Variants in ST3GAL4 observed in about 807,000 individuals in gnomAD.
ST3GAL4 encodes ST3 beta-galactoside alpha-2,3-sialyltransferase 4, also known as CMP-N-acetylneuraminate-beta-galactosamide-alpha-2,3-sialyltransferase 4.
ST3GAL4 carries 24 observed loss-of-function variants against 42.6 expected under a neutral mutation model. The ratio of observed to expected loss-of-function variants is 0.56; its 90% confidence interval spans 0.41 to 0.79. The LOEUF (loss-of-function observed/expected upper bound fraction) is 0.79, where lower values mean the gene tolerates loss of function less well. Among genes scored for constraint, ST3GAL4 ranks in the 30% least tolerant of loss-of-function variants. ST3GAL4 has a pLI of 0.00. For synonymous variants in ST3GAL4, 135 were observed against 163.2 expected (o/e 0.83, Z 1.32); for missense variants, 311 against 430.8 (o/e 0.72, Z 2.46).
chr11:126,389,380 C>T (rs1396957851), intron 1 of ST3GAL4, among the ~76,000 whole-genome samples: 2 of 152,070 alleles, frequency 1.3e-5, no homozygotes, highest in African/African-American at 2.4e-5. Context: ...GAACCAAAGA[C>T]ATGCCCCTGT....
At chr11:126,413,883 G>A in intron 10 of ST3GAL4, 78 bp from the exon 11 acceptor site, 1 of 1,539,770 alleles carries the variant, frequency 6.5e-7, no homozygotes. Context: ...GGGGCCATTG[G>A]GAGGGGCAGG....
intron 1 of ST3GAL4, among the ~76,000 whole-genome samples, chr11:126,395,127 A>G (rs981402451): frequency 6.6e-6 from 1 of 152,132 alleles, no homozygotes; most frequent in Non-Finnish European, 1.5e-5. Flanking sequence ...GGGCCAGAAG[A>G]TATCTGACCT....
intron 1 of ST3GAL4, chr11:126,403,342 C>T (rs1954091858): frequency 2.2e-6 from 2 of 928,360 alleles, no homozygotes; most frequent in Non-Finnish European, 2.6e-6. Flanking sequence ...CGCTGCTCAC[C>T]TCTGACGCTG....
chr11:126,405,914 C>G (rs557430074), intron 1 of ST3GAL4, 182 bp from the exon 2 acceptor site: 1 of 719,634 alleles, frequency 1.4e-6, no homozygotes, highest in Non-Finnish European at 2.3e-6. Flanking sequence ...ATCCTTAATG[C>G]CGCCCTTGGA....
chr11:126,358,383 T>G (rs1306078548), intron 1 of ST3GAL4: 2 of 389,802 alleles, frequency 5.1e-6, no homozygotes, highest in Admixed American at 3.0e-5. Flanking sequence ...CTCTTGTTAT[T>G]AACCCCCTCT....
At position 126,391,112 on chromosome 11, in the gene ST3GAL4, C is replaced by T. The variant is rs1953496435; in HGVS notation, c.-60-14984C>T. ...GATGGACGCTTGGGGGTTGCTTCCA[C>T]ATTAGCTATTGCAAAGTCAATAATG... On this transcript the variant is annotated intron_variant, in intron 1 of 10. Transcript: ENST00000444328. The surrounding 1 kb of genome is among the most constrained non-coding windows in gnomAD (Gnocchi z 5.5). 6.6e-6 allele frequency among the ~76,000 whole-genome samples: 1 copy of T among 152,186 alleles called. No individual in the cohort carries two copies. Among genetic ancestry groups the T allele is most frequent in the Admixed American group, 6.6e-5 (1 of 15,266 alleles).
intron 1 of ST3GAL4, among the ~76,000 whole-genome samples, chr11:126,401,159 C>G (rs1388220054): frequency 6.6e-6 from 1 of 151,970 alleles, no homozygotes; most frequent in Non-Finnish European, 1.5e-5. Flanking sequence ...AAATAAAGAG[C>G]TCGAATCATC....
chr11:126,395,777 GC>G (rs1953724230), intron 1 of ST3GAL4, among the ~76,000 whole-genome samples: 1 of 152,148 alleles, frequency 6.6e-6, no homozygotes, highest in Admixed American at 6.5e-5. Flanking sequence ...GGCCTCCCCA[GC>G]CACGTGGAAC....
rs1952432102 is a variant in ST3GAL4 at position 126,366,527 on chromosome 11, C to G, written c.-61+10685C>G. Among the ~76,000 whole-genome samples the G allele has an allele frequency of 6.6e-6, 1 of 152,132 alleles. No individual in the cohort carries two copies. Among genetic ancestry groups the G allele is most frequent in the Non-Finnish European group, 1.5e-5 (1 of 68,014 alleles). ...GGGGCTTGCTTTCCTCACCCCGCTT[C>G]CCACGTCTTCATTGAGTCCTCATCT... On this transcript the variant is annotated intron_variant, in intron 1 of 10. Transcript: ENST00000444328. This position sits in a 1 kb window ranked among gnomAD's most constrained non-coding sequence, Gnocchi z 4.2.
In ST3GAL4 at chr11:126,376,258, AAT is replaced by A. The variant is rs1952831034; in HGVS notation, c.-61+20421_-61+20422del. ...TTGAAAGCCAGTAAATATAAAATAA[AAT>A]ATATTACCTGTGTGAAAGAGAATTT... On this transcript the variant is annotated intron_variant, in intron 1 of 10. Coordinates refer to ENST00000444328, the MANE Select transcript of ST3GAL4 (RefSeq NM_001254757.2). The surrounding 1 kb of genome is among the most constrained non-coding windows in gnomAD (Gnocchi z 5.1). Among the ~76,000 whole-genome samples, 1 of 152,206 alleles carries A rather than the reference AAT, an allele frequency of 6.6e-6. No homozygotes were observed. The highest frequency in any genetic ancestry group is 2.1e-4 in the South Asian group (1 of 4,830).
intron 1 of ST3GAL4, among the ~76,000 whole-genome samples, chr11:126,361,571 C>T (rs976710276): frequency 6.6e-6 from 1 of 152,070 alleles, no homozygotes; most frequent in Non-Finnish European, 1.5e-5. Flanking sequence ...TGGGAAGCCT[C>T]CGTGGCCACC....
intron 4 of ST3GAL4, 73 bp from the exon 5 acceptor site, chr11:126,407,179 A>T (rs1030797344): frequency 6.4e-7 from 1 of 1,552,600 alleles, no homozygotes; most frequent in African/African-American, 1.4e-5. Flanking sequence ...AATATTAGTC[A>T]TGGGCCTAAC....
Position 126,391,971 on chromosome 11 carries a change from G to A in ST3GAL4, c.-60-14125G>A, listed in dbSNP as rs1325318585. 1.4e-5 allele frequency among the ~76,000 whole-genome samples: 2 copies of A among 145,568 alleles called. No individual in the cohort carries two copies. Among genetic ancestry groups the A allele is most frequent in the East Asian group, 3.9e-4 (2 of 5,086 alleles). On this transcript the variant is annotated intron_variant, in intron 1 of 10. Coordinates refer to ENST00000444328, the MANE Select transcript of ST3GAL4 (RefSeq NM_001254757.2). The surrounding 1 kb of genome is among the most constrained non-coding windows in gnomAD (Gnocchi z 5.5). Reference sequence around the variant, plus strand: ...TGTGTGTGTGTGTGTGTGTGTGTGTGTATGTGTGTGTATGTGTATATATAA... The same window carrying A: ...TGTGTGTGTGTGTGTGTGTGTGTGTATATGTGTGTGTATGTGTATATATAA...
chr11:126,366,065 T>C lies in ST3GAL4; in HGVS notation c.-61+10223T>C. On this transcript the variant is annotated intron_variant, in intron 1 of 10. Transcript: ENST00000444328. This position sits in a 1 kb window ranked among gnomAD's most constrained non-coding sequence, Gnocchi z 4.2. ...GGGCGAGGAGCCCAGGATTCCCCTT[T>C]CCGTGACTTTGGAGGAACGAGGTTC... Among the ~76,000 whole-genome samples, 1 of 152,162 alleles carries C rather than the reference T, an allele frequency of 6.6e-6. No individual in the cohort carries two copies. Among genetic ancestry groups the C allele is most frequent in the East Asian group, 1.9e-4 (1 of 5,176 alleles).
rs79904663 is a variant in ST3GAL4, at chr11:126,392,000, T to C, written c.-60-14096T>C. Among the ~76,000 whole-genome samples the C allele has an allele frequency of 5.9e-5, 9 of 151,976 alleles. No individual in the cohort carries two copies. The highest frequency in any genetic ancestry group is 3.3e-4 in the Admixed American group (5 of 15,250). On this transcript the variant is annotated intron_variant, in intron 1 of 10. Transcript: ENST00000444328. The surrounding 1 kb of genome is among the most constrained non-coding windows in gnomAD (Gnocchi z 5.5). ...GTGTGTGTATGTGTATATATAAAAT[T>C]ATTTTCCTTAACACCACTGACCTGA...
At chr11:126,405,929 T>G in intron 1 of ST3GAL4, 167 bp from the exon 2 acceptor site, 1 of 793,214 alleles carries the variant, frequency 1.3e-6, no homozygotes, top group Non-Finnish European at 2.0e-6. Context: ...CTTGGAGGAG[T>G]TAGGAGGATC....
chr11:126,393,807 A>G lies in ST3GAL4; in HGVS notation c.-60-12289A>G, dbSNP rs1418074339. The stretch of plus-strand genomic sequence containing the variant: ...CATGTAATTTTAAATTACTTTTAAA[A>G]CATTTAAATTTAGCCACGGTTTTAA... On this transcript the variant is annotated intron_variant, in intron 1 of 10. Coordinates refer to ENST00000444328, the MANE Select transcript of ST3GAL4 (RefSeq NM_001254757.2). This position sits in a 1 kb window ranked among gnomAD's most constrained non-coding sequence, Gnocchi z 5.9. Among the ~76,000 whole-genome samples, 1 of 152,226 alleles carries G rather than the reference A, an allele frequency of 6.6e-6. No homozygotes were observed. The highest frequency in any genetic ancestry group is 1.5e-5 in the Non-Finnish European group (1 of 68,036).
At chr11:126,395,233 G>A (rs1345548272) in intron 1 of ST3GAL4, among the ~76,000 whole-genome samples, 3 of 152,174 alleles carry the variant, frequency 2.0e-5, no homozygotes, top group African/African-American at 7.2e-5. Context: ...TGTATTGAGA[G>A]CCTGCTGGGT....
rs970398997 is a variant in ST3GAL4, at chr11:126,393,807, AC to A, written c.-60-12288del. Reference sequence around the variant, plus strand: ...CATGTAATTTTAAATTACTTTTAAAACATTTAAATTTAGCCACGGTTTTAAA... The same window carrying A: ...CATGTAATTTTAAATTACTTTTAAAAATTTAAATTTAGCCACGGTTTTAAA... On this transcript the variant is annotated intron_variant, in intron 1 of 10. Transcript: ENST00000444328. This position sits in a 1 kb window ranked among gnomAD's most constrained non-coding sequence, Gnocchi z 5.9. Among the ~76,000 whole-genome samples the A allele has an allele frequency of 6.3e-4, 96 of 152,344 alleles. No individual in the cohort carries two copies. The highest frequency in any genetic ancestry group is 2.2e-3 in the African/African-American group (93 of 41,578).
Sources: allele counts gnomAD v4.1 joint callset (sites outside exome capture counted in the v4.1 genomes callset), GRCh38; gene constraint gnomAD v4.1.1; non-coding constraint Gnocchi (gnomAD v3.1); transcripts MANE v1.5; gene names NCBI Gene and HGNC (gene_info 2026-07-23, HGNC 2026-07-21).